The following CNTNAP5 variants were observed in gnomAD, a reference collection of about 807,000 sequenced individuals.
CNTNAP5 encodes the protein contactin-associated protein-like 5.
A neutral mutation model predicts 150.2 loss-of-function variants in CNTNAP5; 72 were observed. The observed-to-expected ratio is 0.48, with a 90% CI of 0.40 to 0.58. The LOEUF (loss-of-function observed/expected upper bound fraction) is 0.58, where lower values mean the gene tolerates loss of function less well. CNTNAP5 is among the 20% of genes least tolerant of loss of function. The pLI is 0.00. For missense variants in CNTNAP5, 1,636 were observed against 1,626.2 expected (o/e 1.01, Z -0.10); for synonymous variants, 672 against 619.8 (o/e 1.08, Z -1.25).
At chr2:124,732,271 C>CT (rs1411594325) in intron 13 of CNTNAP5, among the ~76,000 whole-genome samples, 9 of 152,042 alleles carry the variant, frequency 5.9e-5, no homozygotes, top group African/African-American at 1.9e-4. Context: ...CTTCTTGTTT[C>CT]TTTTCAGCAA....
chr2:124,876,217 C>T (rs538930984), intron 21 of CNTNAP5, among the ~76,000 whole-genome samples: 3 of 151,996 alleles, frequency 2.0e-5, no homozygotes, highest in Non-Finnish European at 4.4e-5. Context: ...TTTCAAGGAC[C>T]AATCCCAGAC....
At chr2:124,902,531 G>A (rs374939887) in intron 21 of CNTNAP5, among the ~76,000 whole-genome samples, 1 of 152,140 alleles carries the variant, frequency 6.6e-6, no homozygotes, top group South Asian at 2.1e-4. Flanking sequence ...AAATGATGAT[G>A]CAGATAATGA....
chr2:124,244,440 C>T (rs1272317216), intron 3 of CNTNAP5, among the ~76,000 whole-genome samples: 2 of 152,080 alleles, frequency 1.3e-5, no homozygotes, highest in East Asian at 3.9e-4. Context: ...TACCTTGCAT[C>T]CCAAACAGCC....
chr2:124,539,952 T>C (rs745318619), intron 10 of CNTNAP5, among the ~76,000 whole-genome samples: 1 of 152,206 alleles, frequency 6.6e-6, no homozygotes, highest in Non-Finnish European at 1.5e-5. Context: ...ACTGCAGGGC[T>C]CTTCTCTCCT....
At chr2:124,731,212 A>G (rs2105127229) in intron 13 of CNTNAP5, among the ~76,000 whole-genome samples, 1 of 152,214 alleles carries the variant, frequency 6.6e-6, no homozygotes, top group Middle Eastern at 3.4e-3. Context: ...AGCATTGTGA[A>G]AAGCAAACTC....
At chr2:124,597,078 G>GGTCTTGA (rs1401096459) in intron 11 of CNTNAP5, among the ~76,000 whole-genome samples, 1 of 150,516 alleles carries the variant, frequency 6.6e-6, no homozygotes, top group Non-Finnish European at 1.5e-5. Flanking sequence ...ACTGAATACA[G>GGTCTTGA]CTCTTGACTC....
chr2:124,750,933 G>A (rs529559327), intron 14 of CNTNAP5, among the ~76,000 whole-genome samples: 3 of 141,134 alleles, frequency 2.1e-5, no homozygotes, highest in South Asian at 2.2e-4. Flanking sequence ...GCAGTGAGCC[G>A]AGATCGCGCC....
At chr2:124,368,474 A>C (rs58290243) in intron 3 of CNTNAP5, among the ~76,000 whole-genome samples, 26,329 of 152,142 alleles carry the variant, frequency 0.17, 2,339 homozygotes, top group East Asian at 0.21. Context: ...AAGTTCATTT[A>C]CAGAAATCTA....
chr2:124,098,122 C>G (rs1682983144), intron 1 of CNTNAP5, among the ~76,000 whole-genome samples: 1 of 152,178 alleles, frequency 6.6e-6, no homozygotes, highest in Non-Finnish European at 1.5e-5. Context: ...GGCCAGAAGC[C>G]TCAGTGATCA....
At chr2:124,627,568 C>T (rs1677754888) in intron 12 of CNTNAP5, among the ~76,000 whole-genome samples, 1 of 149,780 alleles carries the variant, frequency 6.7e-6, no homozygotes, top group South Asian at 2.1e-4. Context: ...CCAAAGTTAT[C>T]ACCCTCAAGA....
At chr2:124,245,893 G>A (rs752087837) in intron 3 of CNTNAP5, among the ~76,000 whole-genome samples, 1 of 151,774 alleles carries the variant, frequency 6.6e-6, no homozygotes, top group Non-Finnish European at 1.5e-5. Context: ...ACCACATCTG[G>A]CTAATTCTTT....
chr2:124,678,270 C>A (rs1678989595), intron 13 of CNTNAP5, among the ~76,000 whole-genome samples: 1 of 151,816 alleles, frequency 6.6e-6, no homozygotes, highest in African/African-American at 2.4e-5. Flanking sequence ...TCAGGAATTT[C>A]CCCTTTATCC....
At chr2:124,349,073 T>C (rs1689808771) in intron 3 of CNTNAP5, among the ~76,000 whole-genome samples, 1 of 152,230 alleles carries the variant, frequency 6.6e-6, no homozygotes. Context: ...TTGCTTTGAT[T>C]GGACATGTCT....
At chr2:124,763,880 C>A in intron 15 of CNTNAP5, 81 bp downstream of exon 15, 1 of 1,597,136 alleles carries the variant, frequency 6.3e-7, no homozygotes, top group South Asian at 1.1e-5. Context: ...CTTTTCCCTG[C>A]AGTGTGCCCT....
chr2:124,635,078 T>C (rs1364186147), intron 12 of CNTNAP5, among the ~76,000 whole-genome samples: 1 of 152,134 alleles, frequency 6.6e-6, no homozygotes, highest in East Asian at 1.9e-4. Context: ...TGTAAGGAAA[T>C]ACTTGAGACT....
Position 124,441,740 on chromosome 2 carries a change from G to A in CNTNAP5, c.734-5013G>A, listed in dbSNP as rs558913547. 8.7e-4 allele frequency among the ~76,000 whole-genome samples: 131 copies of A among 151,008 alleles called. 1 individual carries two copies. In the South Asian group the frequency reaches 0.012, roughly 14 times the overall value. ...ATTATATCCAATTTTTAAATCACTA[G>A]CCACTTAAACACTTTTCCACAACAA... On this transcript the variant is annotated intron_variant, in intron 5 of 23. Coordinates refer to ENST00000682447, the MANE Select transcript of CNTNAP5 (RefSeq NM_001367498.1).
At chr2:124,372,416 C>T (rs1254731945) in intron 3 of CNTNAP5, among the ~76,000 whole-genome samples, 2 of 152,022 alleles carry the variant, frequency 1.3e-5, no homozygotes, top group Non-Finnish European at 2.9e-5. Context: ...TAATAAACTC[C>T]TTTTTACATA....
At chr2:124,456,293 C>T (rs754999972) in intron 6 of CNTNAP5, among the ~76,000 whole-genome samples, 9 of 151,914 alleles carry the variant, frequency 5.9e-5, no homozygotes, top group Non-Finnish European at 1.3e-4. Context: ...AAGAACTCAG[C>T]CCCTTTTACA....
At chr2:124,516,647 T>C (rs2104877771) in intron 8 of CNTNAP5, among the ~76,000 whole-genome samples, 1 of 152,328 alleles carries the variant, frequency 6.6e-6, no homozygotes, top group Admixed American at 6.5e-5. Flanking sequence ...CTTTTTGCTC[T>C]TGTGTGTGGC....
Sources: allele counts gnomAD v4.1 joint callset (sites outside exome capture counted in the v4.1 genomes callset), GRCh38; gene constraint gnomAD v4.1.1; transcripts MANE v1.5; gene names NCBI Gene and HGNC (gene_info 2026-07-23, HGNC 2026-07-21).